NUP62: variants seen among roughly 807,000 people sequenced by gnomAD.
NUP62 encodes nuclear pore glycoprotein p62.
For missense variants in NUP62, 647 were observed against 689.4 expected (o/e 0.94, Z 0.69); for synonymous variants, 305 against 303.4 (o/e 1.01, Z -0.05).
chr19:49,914,643 AG>A (rs1310069115), intron 2 of NUP62, among the ~76,000 whole-genome samples: 2 of 147,590 alleles, frequency 1.4e-5, no homozygotes, highest in East Asian at 4.1e-4. Flanking sequence ...TGTGAGAACC[AG>A]GGTTCTTTGC....
rs142850742 is a variant in NUP62, at chr19:49,908,328, G to A, written c.1480C>T (p.Leu494=). The A allele has an allele frequency of 6.2e-7, 1 of 1,614,124 alleles. No homozygotes were observed. The highest frequency in any genetic ancestry group is 2.2e-5 in the East Asian group (1 of 44,882). The change falls in exon 3 of 3, where the codon CTG becomes TTG. Residue 494 remains leucine, a synonymous_variant. Transcript: ENST00000352066. Reference sequence around the variant, plus strand: ...ACCTCCTCCACCTTCCTCTGCAGCAGGGCCGAGTTCTGGTCGATCCACTGC... The same window carrying A: ...ACCTCCTCCACCTTCCTCTGCAGCAAGGCCGAGTTCTGGTCGATCCACTGC... ...SLQWIDQNSA[L]LQRKVEEVTK...
At chr19:49,919,357 C>T (rs79137462) in intron 2 of NUP62, among the ~76,000 whole-genome samples, 285 of 152,310 alleles carry the variant, frequency 1.9e-3, no homozygotes, top group African/African-American at 6.4e-3. Context: ...CTATCCCCAC[C>T]TGCACACAAA....
Position 49,908,130 on chromosome 19 carries a change from GAAAGAAAC to G in NUP62, c.*101_*108del. On this transcript the variant is annotated 3_prime_UTR_variant, in exon 3 of 3. Transcript: ENST00000352066. ...TCATGTCAAGGGCAGTCATGTGAAA[GAAAGAAAC>G]AAACAAACAAGTATCTTGCCACAAC... 1 of 1,523,878 alleles carries G rather than the reference GAAAGAAAC, an allele frequency of 6.6e-7. No individual in the cohort carries two copies. The allele number at this position is 1,523,878 out of a possible 1,614,324, so 94.4% of individuals were successfully genotyped here.
chr19:49,927,857 G>A (rs985666273), intron 1 of NUP62, 42 bp from the exon 2 acceptor site: 1 of 152,308 alleles, frequency 6.6e-6, no homozygotes, highest in African/African-American at 2.4e-5. Context: ...GGCTGGTGGA[G>A]GAGGGCCCAG....
intron 2 of NUP62, among the ~76,000 whole-genome samples, chr19:49,910,762 TGG>T (rs2075444035): frequency 6.6e-6 from 1 of 152,060 alleles, no homozygotes; most frequent in African/African-American, 2.4e-5. Flanking sequence ...AGAAGACCCA[TGG>T]GCCACAGTAT....
At position 49,908,311 on chromosome 19, in the gene NUP62, C is replaced by T. The variant is rs1022919695; in HGVS notation, c.1497G>A (p.Val499=). The stretch of plus-strand genomic sequence containing the variant: ...CCTCGCACACCTTGGTCACCTCCTC[C>T]ACCTTCCTCTGCAGCAGGGCCGAGT... ...DQNSALLQRK[V]EEVTKVCEGR... The change falls in exon 3 of 3, where the codon GTG becomes GTA. Residue 499 remains valine, a synonymous_variant. Coordinates refer to ENST00000352066, the MANE Select transcript of NUP62 (RefSeq NM_016553.5). 1 of 1,614,144 alleles carries T rather than the reference C, an allele frequency of 6.2e-7. No homozygotes were observed. Among genetic ancestry groups the T allele is most frequent in the Non-Finnish European group, 8.5e-7 (1 of 1,180,030 alleles).
rs780463655 is a variant in NUP62, at chr19:49,908,368, C to T, written c.1440G>A (p.Ala480=). 19 of 1,614,070 alleles carry T rather than the reference C, an allele frequency of 1.2e-5. No individual in the cohort carries two copies. The East Asian group carries it at 1.3e-4, about 11-fold the overall frequency. ...PLQQICKILN[A]HMDSLQWIDQ... is the part of the protein sequence containing the mutation. ...CGATCCACTGCAGTGAGTCCATGTG[C>T]GCATTGAGGATCTTGCAGATCTGCT... The change falls in exon 3 of 3, where the codon GCG becomes GCA. Residue 480 remains alanine (A), a synonymous_variant. Transcript: ENST00000352066.
Position 49,909,145 on chromosome 19 carries a change from G to C in NUP62, c.663C>G (p.Leu221=), listed in dbSNP as rs150097126. 237 of 1,613,026 alleles carry C rather than the reference G, an allele frequency of 1.5e-4. No homozygotes were observed. The highest frequency in any genetic ancestry group is 2.3e-4 in the South Asian group (21 of 91,082). Residue 221 remains leucine, a synonymous_variant, in exon 3 of 3, where the codon CTC becomes CTG. Coordinates refer to ENST00000352066, the MANE Select transcript of NUP62 (RefSeq NM_016553.5). Reference sequence around the variant, plus strand: ...TTGGAGCAGTTGCTATTGACGCAAAGAGGCTGGGCCCAGTGCTGGTGATGG... The same window carrying C: ...TTGGAGCAGTTGCTATTGACGCAAACAGGCTGGGCCCAGTGCTGGTGATGG... The part of the protein sequence containing the change: ...TATITSTGPS[L]FASIATAPTS...
At chr19:49,914,245 T>G (rs2075560715) in intron 2 of NUP62, among the ~76,000 whole-genome samples, 1 of 152,162 alleles carries the variant, frequency 6.6e-6, no homozygotes, top group South Asian at 2.1e-4. Context: ...AATTACCACA[T>G]TTGCCAAAGG....
At chr19:49,915,126 G>T (rs1231137435) in intron 2 of NUP62, among the ~76,000 whole-genome samples, 2 of 152,056 alleles carry the variant, frequency 1.3e-5, no homozygotes, top group Non-Finnish European at 2.9e-5. Flanking sequence ...AAAAGGAAAG[G>T]AAGAATTAGG....
In NUP62 at chr19:49,907,466, T is replaced by C. The variant is rs1449815889; in HGVS notation, c.*773A>G. ...TTCACACTGTGCTGCTTTGCCTTGG[T>C]GGTTAGCATGGTTAGCTTTCACAAG... On this transcript the variant is annotated 3_prime_UTR_variant, in exon 3 of 3. Coordinates refer to ENST00000352066, the MANE Select transcript of NUP62 (RefSeq NM_016553.5). 1 of 436,968 alleles carries C rather than the reference T, an allele frequency of 2.3e-6. No homozygotes were observed. Among genetic ancestry groups the C allele is most frequent in the Admixed American group, 2.7e-5 (1 of 37,520 alleles). 27.1% of individuals were successfully genotyped at this position (436,968 alleles called of 1,614,324 possible).
At chr19:49,912,343 A>G (rs186168838) in intron 2 of NUP62, among the ~76,000 whole-genome samples, 605 of 151,958 alleles carry the variant, frequency 4.0e-3, no homozygotes, top group Non-Finnish European at 6.3e-3. Context: ...TAATTTTTGT[A>G]TTTTTAGTAG....
intron 2 of NUP62, among the ~76,000 whole-genome samples, chr19:49,915,134 AG>A (rs762621567): frequency 6.6e-6 from 1 of 152,104 alleles, no homozygotes; most frequent in Non-Finnish European, 1.5e-5. Flanking sequence ...AGGAAGAATT[AG>A]GAAGGATGTG....
chr19:49,928,583 C>T (rs1392098849), intron 1 of NUP62: 2 of 151,792 alleles, frequency 1.3e-5, no homozygotes, highest in East Asian at 1.9e-4. Context: ...GCTTGCCAGA[C>T]ATCGTCTTAT....
chr19:49,912,455 C>T (rs1161401565), intron 2 of NUP62, among the ~76,000 whole-genome samples: 1 of 152,164 alleles, frequency 6.6e-6, no homozygotes, highest in East Asian at 1.9e-4. Flanking sequence ...AGGCATGAGC[C>T]ACTGCGCCCG....
rs151022752 is a variant in NUP62 at position 49,909,108 on chromosome 19, T to C, written c.700A>G (p.Thr234Ala). The stretch of plus-strand genomic sequence containing the variant: ...GGGGTACAGAGGGAGAGTCCAGTGG[T>C]GGCAGATGAGGTTGGAGCAGTTGCT... ...SIATAPTSSA[T>A]TGLSLCTPVT... Residue 234 changes from threonine (T) to alanine (A), a missense_variant, in exon 3 of 3, where the codon ACC (threonine) becomes GCC (alanine). Thr to Ala is a moderately conservative substitution (Grantham distance 58). Transcript: ENST00000352066. 55 of 1,612,418 alleles carry C rather than the reference T, an allele frequency of 3.4e-5. No individual in the cohort carries two copies. The African/African-American group carries it at 5.9e-4, about 17-fold the overall frequency.
At chr19:49,929,035 G>A (rs1368810481) in intron 1 of NUP62, 1 of 152,334 alleles carries the variant, frequency 6.6e-6, no homozygotes, top group East Asian at 1.9e-4. Context: ...AGGGAGGAGG[G>A]TCCCGGACCC....
rs1429140610 is a variant in NUP62 at position 49,908,740 on chromosome 19, G to C, written c.1068C>G (p.Thr356=). The C allele has an allele frequency of 6.2e-7, 1 of 1,613,344 alleles. No homozygotes were observed. The highest frequency in any genetic ancestry group is 1.1e-5 in the South Asian group (1 of 91,086). ...GCGTGCGGTCCCAGGCGTTGACCTGGGTGGCCTGCTGGAGGAAGTGCCGCT... is the reference window on the plus strand; with the variant it reads ...GCGTGCGGTCCCAGGCGTTGACCTGCGTGGCCTGCTGGAGGAAGTGCCGCT... The part of the protein sequence containing the change: ...DQERHFLQQA[T]QVNAWDRTLI... Residue 356 remains threonine (T), a synonymous_variant, in exon 3 of 3, where the codon ACC becomes ACG. Transcript: ENST00000352066.
At chr19:49,925,546 A>G (rs2075867414) in intron 2 of NUP62, among the ~76,000 whole-genome samples, 1 of 152,088 alleles carries the variant, frequency 6.6e-6, no homozygotes, top group Non-Finnish European at 1.5e-5. Context: ...TCCATAAAAT[A>G]CCCAACCAGC....
Sources: allele counts gnomAD v4.1 joint callset (sites outside exome capture counted in the v4.1 genomes callset), GRCh38; gene constraint gnomAD v4.1.1; transcripts MANE v1.5; gene names NCBI Gene and HGNC (gene_info 2026-07-23, HGNC 2026-07-21).